Variants in ACSS3 observed in about 807,000 individuals in gnomAD.
The protein encoded by ACSS3 is acyl-CoA synthetase short-chain family member 3, mitochondrial.
A neutral mutation model predicts 84.2 loss-of-function variants in ACSS3; 64 were observed. The observed-to-expected ratio is 0.76, with a 90% CI of 0.62 to 0.94. ACSS3 has a LOEUF of 0.94. Ranked by LOEUF, ACSS3 falls within the 40% of genes least tolerant of loss-of-function variation. The probability of loss-of-function intolerance (pLI) is 0.00; values close to 1 mark genes in which losing one functional copy is unlikely to be tolerated. For missense variants in ACSS3, 815 were observed against 867.6 expected, an observed-to-expected ratio of 0.94 and a Z score of 0.76; for synonymous variants, 317 against 310.1, an observed-to-expected ratio of 1.02 and a Z score of -0.23.
At chr12:81,114,787 T>A (rs1266457900) in intron 2 of ACSS3, among the ~76,000 whole-genome samples, 3 of 152,116 alleles carry the variant, frequency 2.0e-5, no homozygotes, top group Non-Finnish European at 1.5e-5. Flanking sequence ...ATATAATATA[T>A]ATTCAGATAG....
chr12:81,118,167 AT>A (rs1269774937), intron 2 of ACSS3: 1 of 152,168 alleles, frequency 6.6e-6, no homozygotes, highest in East Asian at 1.9e-4. Flanking sequence ...CTGATACACT[AT>A]CCCCCCCTCC....
chr12:81,078,073 A>G (rs939279363), upstream of ACSS3: 5 of 1,442,286 alleles, frequency 3.5e-6, no homozygotes, highest in East Asian at 5.0e-5. Context: ...AGGAAGTTGC[A>G]AGAGTACCAT....
chr12:81,193,022 A>G (rs2031653112), intron 8 of ACSS3, among the ~76,000 whole-genome samples: 1 of 152,174 alleles, frequency 6.6e-6, no homozygotes, highest in Admixed American at 6.5e-5. Flanking sequence ...GAAAGAAATG[A>G]GAAATTGTTG....
At chr12:81,138,883 A>G (rs10492005) in intron 3 of ACSS3, among the ~76,000 whole-genome samples, 3,492 of 152,302 alleles carry the variant, frequency 0.023, 96 homozygotes, top group Non-Finnish European at 0.027. Flanking sequence ...GGATTTATAC[A>G]TTTCATACAT....
At chr12:81,176,360 C>T (rs76194481) in intron 8 of ACSS3, among the ~76,000 whole-genome samples, 10,534 of 152,094 alleles carry the variant, frequency 0.069, 478 homozygotes, top group African/African-American at 0.13. Context: ...AGGTGGATCA[C>T]GCAGTCGAGA....
At chr12:81,116,801 C>A (rs1177127835) in intron 2 of ACSS3, among the ~76,000 whole-genome samples, 1 of 152,070 alleles carries the variant, frequency 6.6e-6, no homozygotes, top group Non-Finnish European at 1.5e-5. Context: ...AAAGTAAAAT[C>A]TAATCATTAT....
chr12:81,164,902 C>T (rs1038877248), intron 7 of ACSS3, among the ~76,000 whole-genome samples: 2 of 152,120 alleles, frequency 1.3e-5, no homozygotes, highest in Non-Finnish European at 2.9e-5. Context: ...ATTCTGCTAA[C>T]TAGTATATTC....
In ACSS3 at chr12:81,091,222, G is replaced by A. The variant is rs940707509; in HGVS notation, c.311+12791G>A. 5.6e-4 allele frequency among the ~76,000 whole-genome samples: 85 copies of A among 151,788 alleles called. 1 individual carries two copies. The highest frequency in any genetic ancestry group is 2.0e-3 in the African/African-American group (81 of 41,452). ...TTCCAAGGATCTCAGATTAAGAGTTGGGTTGATATTATGTTATCAGATTGT... is the reference window on the plus strand; with the variant it reads ...TTCCAAGGATCTCAGATTAAGAGTTAGGTTGATATTATGTTATCAGATTGT... On this transcript the variant is annotated intron_variant, in intron 1 of 15. Coordinates refer to ENST00000548058, the MANE Select transcript of ACSS3 (RefSeq NM_024560.4).
chr12:81,121,915 A>G (rs1194029719), intron 2 of ACSS3, among the ~76,000 whole-genome samples: 1 of 146,112 alleles, frequency 6.8e-6, no homozygotes, highest in Non-Finnish European at 1.5e-5. Flanking sequence ...AGAGTATGCT[A>G]TATTATTATT....
intron 7 of ACSS3, among the ~76,000 whole-genome samples, chr12:81,161,049 A>G (rs1313737285): frequency 1.3e-5 from 2 of 152,246 alleles, no homozygotes; most frequent in Non-Finnish European, 2.9e-5. Flanking sequence ...ACACAAATGT[A>G]TTATTTCCCA....
chr12:81,129,198 G>A (rs1378641452), intron 2 of ACSS3, among the ~76,000 whole-genome samples: 2 of 152,128 alleles, frequency 1.3e-5, no homozygotes, highest in Non-Finnish European at 2.9e-5. Flanking sequence ...CAACTCAGAT[G>A]CCTACAGAAG....
At chr12:81,237,674 T>C (rs551975561) in intron 13 of ACSS3, among the ~76,000 whole-genome samples, 21 of 151,874 alleles carry the variant, frequency 1.4e-4, no homozygotes, top group Non-Finnish European at 2.4e-4. Flanking sequence ...CTACATAGCT[T>C]TACCCACTTT....
At chr12:81,215,203 G>T (rs2032861790) in intron 9 of ACSS3, among the ~76,000 whole-genome samples, 1 of 152,134 alleles carries the variant, frequency 6.6e-6, no homozygotes, top group South Asian at 2.1e-4. Flanking sequence ...GATGGCTATG[G>T]ATTGCCATTT....
At chr12:81,107,834 G>A (rs1244660354) in intron 1 of ACSS3, among the ~76,000 whole-genome samples, 1 of 151,846 alleles carries the variant, frequency 6.6e-6, no homozygotes, top group Non-Finnish European at 1.5e-5. Context: ...TTTGGGCTCT[G>A]TTCCCACCTG....
At chr12:81,148,690 A>G (rs1251113271) in intron 5 of ACSS3, among the ~76,000 whole-genome samples, 1 of 152,090 alleles carries the variant, frequency 6.6e-6, no homozygotes, top group Non-Finnish European at 1.5e-5. Flanking sequence ...TCGGAACAGC[A>G]TATTGGCAGG....
At chr12:81,096,828 C>T (rs886226167) in intron 1 of ACSS3, among the ~76,000 whole-genome samples, 6 of 152,100 alleles carry the variant, frequency 3.9e-5, no homozygotes, top group African/African-American at 1.2e-4. Context: ...GCATGGTATT[C>T]CATGGTGTAT....
intron 8 of ACSS3, among the ~76,000 whole-genome samples, chr12:81,192,595 T>G (rs1207036632): frequency 6.6e-6 from 1 of 152,196 alleles, no homozygotes; most frequent in Non-Finnish European, 1.5e-5. Context: ...CCTCCATTAT[T>G]AGCTATACCT....
intron 13 of ACSS3, among the ~76,000 whole-genome samples, chr12:81,249,492 C>T (rs144385564): frequency 6.6e-6 from 1 of 152,038 alleles, no homozygotes; most frequent in Non-Finnish European, 1.5e-5. Context: ...GAGGGTTGTT[C>T]TAACCAAAGT....
intron 7 of ACSS3, among the ~76,000 whole-genome samples, chr12:81,173,109 C>T (rs1211471687): frequency 1.3e-5 from 2 of 152,194 alleles, no homozygotes; most frequent in African/African-American, 2.4e-5. Context: ...CAGTGTCATA[C>T]TCAAGGAACT....
Sources: allele counts gnomAD v4.1 joint callset (sites outside exome capture counted in the v4.1 genomes callset), GRCh38; gene constraint gnomAD v4.1.1; transcripts MANE v1.5; gene names NCBI Gene and HGNC (gene_info 2026-07-23, HGNC 2026-07-21).